The following TMPRSS3 variants were observed in gnomAD, a reference collection of about 807,000 sequenced individuals.
TMPRSS3 encodes the protein transmembrane serine protease 3.
In TMPRSS3, 55 loss-of-function variants were observed where a neutral mutation model predicts 59.6. The ratio of observed to expected loss-of-function variants is 0.92; its 90% CI spans 0.74 to 1.16. TMPRSS3 has a LOEUF of 1.16. Among genes scored for constraint, TMPRSS3 ranks in the 50% most tolerant of loss-of-function variants. TMPRSS3 has a pLI of 0.00. For synonymous variants in TMPRSS3, 257 were observed against 237.7 expected (o/e 1.08, Z -0.75); for missense variants, 596 against 579.4 (o/e 1.03, Z -0.29).
chr21:42,393,145 G>A (rs1285010499), intron 2 of TMPRSS3, among the ~76,000 whole-genome samples: 1 of 152,160 alleles, frequency 6.6e-6, no homozygotes, highest in Non-Finnish European at 1.5e-5. Context: ...TCAGGAGGCC[G>A]AGGCAAGAGA....
chr21:42,392,304 A>G (rs986892230), intron 2 of TMPRSS3, among the ~76,000 whole-genome samples: 2 of 152,244 alleles, frequency 1.3e-5, no homozygotes, highest in African/African-American at 4.8e-5. Context: ...GAAGACAAAA[A>G]TGATGAAAAG....
At chr21:42,395,239 T>TC (rs2052787231) in intron 2 of TMPRSS3, 85 bp downstream of exon 2, 3 of 1,156,710 alleles carry the variant, frequency 2.6e-6, no homozygotes, top group Non-Finnish European at 3.9e-6. Context: ...GGGAGATATT[T>TC]CCCCCACAGG....
At position 42,390,037 on chromosome 21, in the gene TMPRSS3, T is replaced by C; in HGVS notation, c.95A>G (p.Asp32Gly). The C allele has an allele frequency of 1.2e-6, 2 of 1,612,488 alleles. No homozygotes were observed. The highest frequency in any genetic ancestry group is 8.5e-7 in the Non-Finnish European group (1 of 1,178,492). The change falls in exon 3 of 13, where the codon GAT (aspartate) becomes GGT (glycine). Residue 32 changes from aspartate to glycine, a missense_variant and splice_region_variant. By Grantham distance (94) the Asp-to-Gly change is moderately conservative (BLOSUM62 -1). Coordinates refer to ENST00000644384, the MANE Select transcript of TMPRSS3 (RefSeq NM_001256317.3). ...GATCTGTGCAGCAACAGCATCTGCA[T>C]CTGAAAACCAGAAAAAGGAAGAGCA... Reference protein sequence around the residue: ...DDLKISPVAPDADAVAAQILS... With the variant: ...DDLKISPVAPGADAVAAQILS...
chr21:42,388,001 A>C lies in TMPRSS3; in HGVS notation c.446+402T>G, dbSNP rs2052663727. On this transcript the variant is annotated intron_variant, in intron 5 of 12. Coordinates refer to ENST00000644384, the MANE Select transcript of TMPRSS3 (RefSeq NM_001256317.3). The surrounding 1 kb of genome is among the most constrained non-coding windows in gnomAD (Gnocchi z 5.1). The stretch of plus-strand genomic sequence containing the variant: ...AATTGGTTCTGTGGGGTTCTTGGGG[A>C]AGCGTGCATGGACATTGATGTGACC... Among the ~76,000 whole-genome samples the C allele has an allele frequency of 6.6e-6, 1 of 152,238 alleles. No homozygotes were observed. The highest frequency in any genetic ancestry group is 2.4e-5 in the African/African-American group (1 of 41,468).
In TMPRSS3 at chr21:42,372,611, A is replaced by C; in HGVS notation, c.*151T>G. On this transcript the variant is annotated 3_prime_UTR_variant, in exon 13 of 13. Coordinates refer to ENST00000644384, the MANE Select transcript of TMPRSS3 (RefSeq NM_001256317.3). The stretch of plus-strand genomic sequence containing the variant: ...TGAAGGTTGTGCTGGAATCAGATGG[A>C]AGGGTGCCTCTTTCGGGCCTGCTAC... The C allele has an allele frequency of 1.2e-6, 1 of 824,628 alleles. No homozygotes were observed. The allele number at this position is 824,628 out of a possible 1,614,324, so 51.1% of individuals were successfully genotyped here. A position where few individuals can be genotyped will look rare whatever the true frequency, so the allele number is the denominator to read the frequency against.
intron 6 of TMPRSS3, among the ~76,000 whole-genome samples, chr21:42,385,047 C>CCTT (rs1555854378): frequency 0.016 from 1,507 of 91,470 alleles, 14 homozygotes; most frequent in African/African-American, 0.026. Flanking sequence ...CTCCCTCCCT[C>CCTT]CCTTCCTTCC....
At chr21:42,382,932 C>G in intron 8 of TMPRSS3, 101 bp downstream of exon 8, 1 of 1,423,816 alleles carries the variant, frequency 7.0e-7, no homozygotes, top group Non-Finnish European at 9.7e-7. Context: ...GTTAGTCTCT[C>G]TGTCTTCCCT....
chr21:42,377,261 G>T (rs1373620233), intron 10 of TMPRSS3, among the ~76,000 whole-genome samples: 1 of 152,240 alleles, frequency 6.6e-6, no homozygotes, highest in Non-Finnish European at 1.5e-5. Context: ...GAAGTCACAG[G>T]GGTCTTTGGA....
At chr21:42,390,307 T>C in intron 2 of TMPRSS3, 1 of 448,176 alleles carries the variant, frequency 2.2e-6, no homozygotes, top group South Asian at 2.1e-5. Flanking sequence ...CACGTTGAGG[T>C]CTTAACTCTT....
At chr21:42,386,354 G>A (rs1373031147) in intron 5 of TMPRSS3, among the ~76,000 whole-genome samples, 1 of 152,254 alleles carries the variant, frequency 6.6e-6, no homozygotes, top group East Asian at 1.9e-4. Context: ...TTTGAGTTTT[G>A]AGGAAAATGT....
chr21:42,382,073 G>A lies in TMPRSS3; in HGVS notation c.944C>T (p.Thr315Met), dbSNP rs777685846. Residue 315 changes from threonine to methionine, a missense_variant, in exon 9 of 13, where the codon ACG (threonine) becomes ATG (methionine). Physicochemically the swap from Thr to Met is moderately conservative, Grantham distance 81 (BLOSUM62 -1). Coordinates refer to ENST00000644384, the MANE Select transcript of TMPRSS3 (RefSeq NM_001256317.3). ...TAGAGACCCAGATGTACCATTGAAC[G>A]TGAGTGGCCCGGCCAGCTTCATAAG... ...IALMKLAGPL[T>M]FNEMIQPVCL... The A allele has an allele frequency of 1.2e-5, 19 of 1,614,096 alleles. No individual in the cohort carries two copies. Among genetic ancestry groups the A allele is most frequent in the Admixed American group, 3.3e-5 (2 of 60,004 alleles).
At chr21:42,395,037 CT>C (rs1242054010) in intron 2 of TMPRSS3, among the ~76,000 whole-genome samples, 5 of 152,176 alleles carry the variant, frequency 3.3e-5, no homozygotes, top group African/African-American at 1.2e-4. Flanking sequence ...AGGATCTGAC[CT>C]CCTTCAGGAT....
chr21:42,390,629 G>A (rs2052720672), intron 2 of TMPRSS3, among the ~76,000 whole-genome samples: 1 of 152,196 alleles, frequency 6.6e-6, no homozygotes, highest in African/African-American at 2.4e-5. Flanking sequence ...TCAGGAGGCT[G>A]AGGCATGAGA....
At chr21:42,383,802 G>A (rs775506018) in intron 7 of TMPRSS3, 168 bp downstream of exon 7, 8 of 759,948 alleles carry the variant, frequency 1.1e-5, no homozygotes, top group Non-Finnish European at 1.7e-5. Flanking sequence ...GACAGGTGAG[G>A]ATGACACTGC....
At chr21:42,382,638 A>G in intron 8 of TMPRSS3, 2 of 392,916 alleles carry the variant, frequency 5.1e-6, no homozygotes, top group South Asian at 2.4e-5. Context: ...TTTTAAGAAG[A>G]GACCCAGTAC....
chr21:42,395,524 G>T (rs2052793779), intron 1 of TMPRSS3, 56 bp from the exon 2 acceptor site: 3 of 942,662 alleles, frequency 3.2e-6, no homozygotes, highest in Non-Finnish European at 5.1e-6. Context: ...TGTAGCATCA[G>T]GTGCATCTTG....
At chr21:42,383,445 G>C in intron 7 of TMPRSS3, 1 of 589,694 alleles carries the variant, frequency 1.7e-6, no homozygotes, top group Non-Finnish European at 3.0e-6. Flanking sequence ...TGCTTGGTCA[G>C]TGCCCAGCAT....
At chr21:42,389,279 G>A (rs933817159) in intron 3 of TMPRSS3, 1 of 304,214 alleles carries the variant, frequency 3.3e-6, no homozygotes, top group Non-Finnish European at 4.8e-6. Flanking sequence ...AGGAACCACA[G>A]TGCAAGGTGA....
chr21:42,379,721 C>T (rs1378075711), intron 10 of TMPRSS3, among the ~76,000 whole-genome samples: 1 of 152,112 alleles, frequency 6.6e-6, no homozygotes, highest in Non-Finnish European at 1.5e-5. Context: ...TGAAAGAACA[C>T]ATCTTCCAAA....
Sources: allele counts gnomAD v4.1 joint callset (sites outside exome capture counted in the v4.1 genomes callset), GRCh38; gene constraint gnomAD v4.1.1; non-coding constraint Gnocchi (gnomAD v3.1); transcripts MANE v1.5; gene names NCBI Gene and HGNC (gene_info 2026-07-23, HGNC 2026-07-21).